Variants in ILDR2 observed in about 807,000 individuals in gnomAD.
ILDR2 encodes the protein immunoglobulin like domain containing receptor 2, also known as immunoglobulin-like domain-containing receptor 2.
A neutral mutation model predicts 66.8 loss-of-function variants in ILDR2; 25 were observed. The ratio of observed to expected loss-of-function variants is 0.37; its 90% CI spans 0.27 to 0.52. The LOEUF (loss-of-function observed/expected upper bound fraction) is 0.52. ILDR2 is among the 20% of genes least tolerant of loss of function. The pLI, the probability that ILDR2 is intolerant of heterozygous loss-of-function variation, is 0.88. For missense variants in ILDR2, 827 were observed against 876.8 expected, an observed-to-expected ratio of 0.94 and a Z score of 0.72; for synonymous variants, 367 against 357.2, an observed-to-expected ratio of 1.03 and a Z score of -0.31.
At chr1:166,899,392 CAAAAA>C (rs1256137812) in intron 2 of ILDR2, among the ~76,000 whole-genome samples, 1 of 87,678 alleles carries the variant, frequency 1.1e-5, no homozygotes, top group Non-Finnish European at 2.3e-5. Context: ...GACTCCATCT[CAAAAA>C]AAAAAAAAAG....
At chr1:166,919,456 G>A (rs1386714388) in intron 9 of ILDR2, 66 bp from the exon 10 acceptor site, 2 of 1,484,596 alleles carry the variant, frequency 1.3e-6, no homozygotes, top group Non-Finnish European at 1.9e-6. Flanking sequence ...ACGAATAACA[G>A]ATGGTTCTCT....
At chr1:166,902,146 C>T (rs1284997862) in intron 2 of ILDR2, among the ~76,000 whole-genome samples, 1 of 152,254 alleles carries the variant, frequency 6.6e-6, no homozygotes, top group Non-Finnish European at 1.5e-5. Flanking sequence ...AGGCATGAGC[C>T]ACCAGGCCCA....
chr1:166,929,197 ACCTTTAAATAATC>A, intron 6 of ILDR2, among the ~76,000 whole-genome samples: 1 of 152,226 alleles, frequency 6.6e-6, no homozygotes, highest in African/African-American at 2.4e-5. Context: ...ATACTTGCCA[ACCTTTAAATAATC>A]TCTTAAAGAT....
intron 1 of ILDR2, among the ~76,000 whole-genome samples, chr1:166,974,239 T>C (rs1161657283): frequency 6.6e-6 from 1 of 152,138 alleles, no homozygotes; most frequent in Non-Finnish European, 1.5e-5. Context: ...GCCTCCACCT[T>C]GATTTGAATG....
At chr1:166,920,569 A>T in intron 9 of ILDR2, 138 bp downstream of exon 9, 1 of 983,118 alleles carries the variant, frequency 1.0e-6, no homozygotes, top group Non-Finnish European at 1.4e-6. Flanking sequence ...GAACTCGCCC[A>T]GGCAGGCCCC....
chr1:166,950,476 G>C (rs1028035833), intron 3 of ILDR2, among the ~76,000 whole-genome samples: 1 of 152,132 alleles, frequency 6.6e-6, no homozygotes, highest in Non-Finnish European at 1.5e-5. Context: ...AGTCACAGGG[G>C]TAGGGGGTGG....
intron 3 of ILDR2, among the ~76,000 whole-genome samples, chr1:166,944,454 TC>T (rs1448909124): frequency 2.0e-5 from 3 of 152,172 alleles, no homozygotes; most frequent in Non-Finnish European, 4.4e-5. Flanking sequence ...TATTAAATCT[TC>T]CCGCCAAATT....
At chr1:166,897,827 G>T (rs1294997144) in intron 2 of ILDR2, among the ~76,000 whole-genome samples, 1 of 152,168 alleles carries the variant, frequency 6.6e-6, no homozygotes, top group African/African-American at 2.4e-5. Context: ...TAATAAAATT[G>T]TAATTGGAAG....
intron 7 of ILDR2, among the ~76,000 whole-genome samples, chr1:166,925,091 A>G (rs1274293058): frequency 1.3e-5 from 2 of 152,132 alleles, no homozygotes; most frequent in African/African-American, 2.4e-5. Context: ...TTCCCAGACT[A>G]AAAACATCCC....
intron 1 of ILDR2, among the ~76,000 whole-genome samples, chr1:166,969,352 T>C (rs1397748570): frequency 6.6e-6 from 1 of 152,238 alleles, no homozygotes; most frequent in Non-Finnish European, 1.5e-5. Context: ...AGTTCTTCCT[T>C]GTTCCTTGGC....
At position 166,935,286 on chromosome 1, in the gene ILDR2, TG is replaced by T; in HGVS notation, c.880+14del. 6.2e-7 allele frequency: 1 copy of T among 1,614,022 alleles called. No homozygotes were observed. The highest frequency in any genetic ancestry group is 8.5e-7 in the Non-Finnish European group (1 of 1,179,944). On this transcript the variant is annotated intron_variant, in intron 6 of 9. Coordinates refer to ENST00000271417, the MANE Select transcript of ILDR2 (RefSeq NM_199351.3). ...CGAGACAAGCATGGGCAGGGCAGTC[TG>T]GAACTACATTTACCACTGTGGCTTC...
At chr1:166,961,717 T>C (rs1662629826) in intron 1 of ILDR2, among the ~76,000 whole-genome samples, 1 of 152,246 alleles carries the variant, frequency 6.6e-6, no homozygotes, top group Admixed American at 6.5e-5. Context: ...CTAATGTTGC[T>C]GAGGCTATCA....
chr1:166,951,348 G>A lies in ILDR2; in HGVS notation c.499+5385C>T, dbSNP rs186349014. 1.1e-3 allele frequency among the ~76,000 whole-genome samples: 173 copies of A among 152,306 alleles called. 3 individuals are homozygous for A. The highest frequency in any genetic ancestry group is 1.7e-3 in the Non-Finnish European group (113 of 68,028). On this transcript the variant is annotated intron_variant, in intron 3 of 9. Coordinates refer to ENST00000271417, the MANE Select transcript of ILDR2 (RefSeq NM_199351.3). Reference sequence around the variant, plus strand: ...TAACACAGAGAGTGCAGAGCCAGGAGATGGAGATGAGGAGACAGAGATTCT... The same window carrying A: ...TAACACAGAGAGTGCAGAGCCAGGAAATGGAGATGAGGAGACAGAGATTCT...
intron 2 of ILDR2, among the ~76,000 whole-genome samples, chr1:166,899,221 C>T (rs867016701): frequency 1.3e-5 from 2 of 151,700 alleles, no homozygotes; most frequent in Non-Finnish European, 2.9e-5. Context: ...GGTGAAACTC[C>T]GTCTCTACTA....
Position 166,936,833 on chromosome 1 carries a change from G to T in ILDR2, c.557-96C>A. ...ATCTCCCGGTGAAAGGGGGAGAGGA[G>T]GAGGGACCTAGGGAAGAAAGCTTCT... On this transcript the variant is annotated intron_variant, in intron 4 of 9. Transcript: ENST00000271417. This position sits in a 1 kb window ranked among gnomAD's most constrained non-coding sequence, Gnocchi z 5.0. 1 of 1,203,898 alleles carries T rather than the reference G, an allele frequency of 8.3e-7. No homozygotes were observed. The highest frequency in any genetic ancestry group is 1.2e-6 in the Non-Finnish European group (1 of 834,660). The allele number at this position is 1,203,898 out of a possible 1,614,324, so 74.6% of individuals were successfully genotyped here.
intron 2 of ILDR2, among the ~76,000 whole-genome samples, chr1:166,957,133 A>C (rs556601574): frequency 5.2e-5 from 8 of 152,386 alleles, no homozygotes; most frequent in African/African-American, 1.9e-4. Context: ...GCTTTGAACC[A>C]GGCCTGCAGA....
Position 166,909,006 on chromosome 1 carries a change from C to T in ILDR2, c.*10349G>A, listed in dbSNP as rs1659404765. 1 of 152,222 alleles carries T rather than the reference C, an allele frequency of 6.6e-6. No individual in the cohort carries two copies. The highest frequency in any genetic ancestry group is 1.5e-5 in the Non-Finnish European group (1 of 68,042). The allele number at this position is 152,222 out of a possible 1,614,324, so 9.4% of individuals were successfully genotyped here. A position where few individuals can be genotyped will look rare whatever the true frequency, so the allele number is the denominator to read the frequency against. ...CTGCCCAGCATCACTATTCTCACTT[C>T]TTCTATTAATAACAACTCTCTTCTC... On this transcript the variant is annotated 3_prime_UTR_variant, in exon 10 of 10. Coordinates refer to ENST00000271417, the MANE Select transcript of ILDR2 (RefSeq NM_199351.3).
At chr1:166,959,450 C>T (rs1261904865) in intron 1 of ILDR2, among the ~76,000 whole-genome samples, 2 of 152,096 alleles carry the variant, frequency 1.3e-5, no homozygotes, top group Non-Finnish European at 2.9e-5. Context: ...GACTTCCCTT[C>T]CAGTGGTGAC....
intron 3 of ILDR2, among the ~76,000 whole-genome samples, chr1:166,945,793 T>C (rs1371889184): frequency 6.6e-6 from 1 of 152,242 alleles, no homozygotes. Context: ...ACAGCAGAGT[T>C]ACCTCCATTT....
Sources: allele counts gnomAD v4.1 joint callset (sites outside exome capture counted in the v4.1 genomes callset), GRCh38; gene constraint gnomAD v4.1.1; non-coding constraint Gnocchi (gnomAD v3.1); transcripts MANE v1.5; gene names NCBI Gene and HGNC (gene_info 2026-07-23, HGNC 2026-07-21).